TBC1D32: variants seen among roughly 807,000 people sequenced by gnomAD.
TBC1D32 encodes protein broad-minded.
A neutral mutation model predicts 170.3 loss-of-function variants in TBC1D32; 151 were observed. That is an observed-to-expected ratio of 0.89 (90% CI 0.78 to 1.01). TBC1D32 has a LOEUF of 1.01. TBC1D32 is among the 50% of genes least tolerant of loss of function. The pLI, the probability that TBC1D32 is intolerant of heterozygous loss-of-function variation, is 0.00. For synonymous variants in TBC1D32, 498 were observed against 488.0 expected, an observed-to-expected ratio of 1.02 and a Z score of -0.27; for missense variants, 1,464 against 1,457.1, an observed-to-expected ratio of 1.00 and a Z score of -0.08.
rs183435882 is a variant in TBC1D32 at position 121,087,993 on chromosome 6, C to T, written c.3654+2860G>A. 2.0e-3 allele frequency among the ~76,000 whole-genome samples: 295 copies of T among 150,994 alleles called. 2 individuals carry two copies. The highest frequency in any genetic ancestry group is 6.3e-4 in the Non-Finnish European group (43 of 67,890). ...TGAGACAGGGTCTTGTTCTGTAGCC[C>T]AGGCTGGAGTGCACTGGTACAATCA... On this transcript the variant is annotated intron_variant, in intron 31 of 31. Transcript: ENST00000398212.
At chr6:121,169,795 A>G (rs1786693387) in intron 22 of TBC1D32, among the ~76,000 whole-genome samples, 1 of 152,144 alleles carries the variant, frequency 6.6e-6, no homozygotes, top group Admixed American at 6.6e-5. Context: ...TTAAAAATTA[A>G]TTACAGACAT....
At chr6:121,098,304 A>G (rs1358983520) in intron 30 of TBC1D32, among the ~76,000 whole-genome samples, 3 of 151,938 alleles carry the variant, frequency 2.0e-5, no homozygotes, top group African/African-American at 7.2e-5. Flanking sequence ...TATAAATGAT[A>G]AAGTTTTCTG....
rs1268105734 is a variant in TBC1D32 at position 121,321,681 on chromosome 6, T to C, written c.269A>G (p.Tyr90Cys). The C allele has an allele frequency of 8.1e-6, 13 of 1,613,978 alleles. No homozygotes were observed. The highest frequency in any genetic ancestry group is 1.1e-5 in the Non-Finnish European group (13 of 1,179,970). Residue 90 changes from tyrosine (Y) to cysteine (C), a missense_variant, in exon 2 of 32, where the codon TAT (tyrosine) becomes TGT (cysteine). Coordinates refer to ENST00000398212, the MANE Select transcript of TBC1D32 (RefSeq NM_152730.6). ...AGTGACCTGCTGTACAACTGTATCATAGCCGCATTCTTCACCCTGATTCCG... is the reference window on the plus strand; with the variant it reads ...AGTGACCTGCTGTACAACTGTATCACAGCCGCATTCTTCACCCTGATTCCG... ...SDRNQGEECGYDTVVQQVTKR... is the reference protein window; with the variant it reads ...SDRNQGEECGCDTVVQQVTKR...
intron 17 of TBC1D32, among the ~76,000 whole-genome samples, chr6:121,254,865 C>G (rs1369987854): frequency 6.6e-6 from 1 of 151,944 alleles, no homozygotes; most frequent in Non-Finnish European, 1.5e-5. Context: ...AACATGGAGA[C>G]ATATAAATTA....
chr6:121,307,749 T>TA (rs930209898), intron 5 of TBC1D32, among the ~76,000 whole-genome samples: 2 of 151,878 alleles, frequency 1.3e-5, no homozygotes, highest in African/African-American at 4.8e-5. Context: ...TAATCCCAGC[T>TA]ACTCAGGAGG....
At chr6:121,203,989 T>C (rs1226904572) in intron 22 of TBC1D32, among the ~76,000 whole-genome samples, 2 of 148,160 alleles carry the variant, frequency 1.3e-5, no homozygotes, top group East Asian at 1.9e-4. Context: ...CAAGAAAATA[T>C]ACAGGAAAAA....
At chr6:121,271,198 G>C (rs1274024846) in intron 15 of TBC1D32, among the ~76,000 whole-genome samples, 1 of 152,162 alleles carries the variant, frequency 6.6e-6, no homozygotes, top group East Asian at 1.9e-4. Context: ...TTTGAAAACT[G>C]GCACAAGACA....
rs533955281 is a variant in TBC1D32, at chr6:121,225,829, C to T, written c.2365-2477G>A. On this transcript the variant is annotated intron_variant, in intron 20 of 31. Coordinates refer to ENST00000398212, the MANE Select transcript of TBC1D32 (RefSeq NM_152730.6). ...TAGTGCAAAATTGTGATGTATTATG[C>T]ATTTCTGGAATAAAAATATATACAA... 8.5e-5 allele frequency among the ~76,000 whole-genome samples: 13 copies of T among 152,142 alleles called. No homozygotes were observed. The South Asian group carries it at 2.7e-3, about 32-fold the overall frequency.
chr6:121,258,249 A>T (rs1225355167), intron 15 of TBC1D32, among the ~76,000 whole-genome samples: 1 of 152,188 alleles, frequency 6.6e-6, no homozygotes, highest in African/African-American at 2.4e-5. Context: ...CACTAAATGC[A>T]GTTTAAGATT....
intron 14 of TBC1D32, among the ~76,000 whole-genome samples, chr6:121,281,329 A>G (rs941971812): frequency 6.6e-6 from 1 of 151,588 alleles, no homozygotes; most frequent in African/African-American, 2.4e-5. Flanking sequence ...AAAAACTTAG[A>G]TATTCTATGT....
At chr6:121,292,780 T>TTAAA (rs1377736698) in intron 11 of TBC1D32, among the ~76,000 whole-genome samples, 1 of 152,278 alleles carries the variant, frequency 6.6e-6, no homozygotes, top group Admixed American at 6.5e-5. Flanking sequence ...AGCAAGACAC[T>TTAAA]TAGAGAATTC....
chr6:121,266,434 T>C, intron 15 of TBC1D32, among the ~76,000 whole-genome samples: 1 of 152,148 alleles, frequency 6.6e-6, no homozygotes, highest in East Asian at 1.9e-4. Context: ...AGAGTGGATG[T>C]GGAGAAATAG....
intron 24 of TBC1D32, among the ~76,000 whole-genome samples, chr6:121,159,313 T>C (rs1785306013): frequency 6.6e-6 from 1 of 152,196 alleles, no homozygotes; most frequent in South Asian, 2.1e-4. Flanking sequence ...AGTTGTTGAG[T>C]ATACAAGACC....
At chr6:121,251,696 T>C (rs1798312973) in intron 17 of TBC1D32, among the ~76,000 whole-genome samples, 1 of 152,114 alleles carries the variant, frequency 6.6e-6, no homozygotes, top group African/African-American at 2.4e-5. Context: ...AAAGCCAAAA[T>C]TGACAAATGG....
At chr6:121,252,067 G>GA (rs965314235) in intron 17 of TBC1D32, among the ~76,000 whole-genome samples, 2 of 152,096 alleles carry the variant, frequency 1.3e-5, no homozygotes, top group Admixed American at 6.5e-5. Flanking sequence ...AAAAAGTCAG[G>GA]AAAAAACAGG....
intron 12 of TBC1D32, 113 bp downstream of exon 12, chr6:121,291,940 G>A: frequency 8.8e-7 from 1 of 1,131,470 alleles, no homozygotes; most frequent in South Asian, 2.1e-5. Context: ...AGACTAAAAG[G>A]TATGTAGCTA....
At chr6:121,160,199 T>G in intron 23 of TBC1D32, 96 bp from the exon 24 acceptor site, 1 of 819,164 alleles carries the variant, frequency 1.2e-6, no homozygotes, top group Non-Finnish European at 2.0e-6. Context: ...AACTGGCTTT[T>G]CTTGCTCATA....
At chr6:121,258,833 T>A (rs997046805) in intron 15 of TBC1D32, among the ~76,000 whole-genome samples, 6 of 152,190 alleles carry the variant, frequency 3.9e-5, no homozygotes, top group African/African-American at 1.4e-4. Flanking sequence ...CCTCTTCTTA[T>A]TGAACATTTG....
At chr6:121,280,444 T>C (rs1215093529) in intron 14 of TBC1D32, among the ~76,000 whole-genome samples, 4 of 151,826 alleles carry the variant, frequency 2.6e-5, no homozygotes, top group Non-Finnish European at 5.9e-5. Flanking sequence ...GTGTCCACTA[T>C]GTGCCAGAGG....
Sources: gnomAD v4.1 joint callset for allele counts (sites outside exome capture counted in the v4.1 genomes callset) on GRCh38, gnomAD v4.1.1 for gene constraint, MANE v1.5 for transcripts, NCBI Gene and HGNC (gene_info 2026-07-23, HGNC 2026-07-21) for gene names.